The following DDX31 variants were observed in gnomAD, a reference collection of about 807,000 sequenced individuals.
DDX31 encodes the protein ATP-dependent DNA helicase DDX31.
Under a neutral mutation model 91.3 loss-of-function variants are expected in DDX31, and 70 were observed. The observed-to-expected ratio is 0.77, with a 90% CI of 0.63 to 0.94. DDX31 has a LOEUF of 0.94. Among genes scored for constraint, DDX31 ranks in the 40% least tolerant of loss-of-function variants. The pLI, the probability that DDX31 is intolerant of heterozygous loss-of-function variation, is 0.00. For missense variants in DDX31, 902 were observed against 925.0 expected (o/e 0.98, Z 0.32); for synonymous variants, 362 against 350.6 (o/e 1.03, Z -0.36).
At position 132,666,502 on chromosome 9, in the gene DDX31, T is replaced by C. The variant is rs142806526; in HGVS notation, c.75+3358A>G. Among the ~76,000 whole-genome samples the C allele has an allele frequency of 1.1e-3, 170 of 151,958 alleles. 2 individuals are homozygous for C. Among genetic ancestry groups the C allele is most frequent in the African/African-American group, 3.8e-3 (158 of 41,410 alleles). ...TTTTCCTAATTTTCTATAATAAATT[T>C]GTATTAATATCAGAAATTTTTTTTT... On this transcript the variant is annotated intron_variant, in intron 1 of 19. Coordinates refer to ENST00000372159, the MANE Select transcript of DDX31 (RefSeq NM_022779.9).
chr9:132,609,216 G>A (rs1012689110), intron 19 of DDX31, among the ~76,000 whole-genome samples: 5 of 152,132 alleles, frequency 3.3e-5, no homozygotes, highest in African/African-American at 9.7e-5. Flanking sequence ...TCACCACCCG[G>A]CTCCCTGCCG....
Position 132,593,208 on chromosome 9 carries a change from T to G in DDX31, c.*1658A>C, listed in dbSNP as rs1830280186. The G allele has an allele frequency of 2.0e-5, 3 of 152,200 alleles. No individual in the cohort carries two copies. The highest frequency in any genetic ancestry group is 1.3e-4 in the Admixed American group (2 of 15,276). 9.4% of individuals were successfully genotyped at this position (152,200 alleles called of 1,614,324 possible). A position where few individuals can be genotyped will look rare whatever the true frequency, so the allele number is the denominator to read the frequency against. ...TCTTGGAATTATCGTCACTCACACGTTGCATGATTCTAGCACTTCTCTTTC... is the reference window on the plus strand; with the variant it reads ...TCTTGGAATTATCGTCACTCACACGGTGCATGATTCTAGCACTTCTCTTTC... On this transcript the variant is annotated 3_prime_UTR_variant, in exon 20 of 20. Transcript: ENST00000372159.
rs1390156377 is a variant in DDX31, at chr9:132,611,955, C to G, written c.1994+132G>C. On this transcript the variant is annotated intron_variant, in intron 19 of 19. Transcript: ENST00000372159. ...AGATGAGGTGGCTTTCTTCTCATTC[C>G]AAGTGCTTGTTTATTGGGAGAAGGG... 9.3e-6 allele frequency: 12 copies of G among 1,289,878 alleles called. No individual in the cohort carries two copies. The Admixed American group carries it at 1.2e-4, about 13-fold the overall frequency. 79.9% of individuals were successfully genotyped at this position (1,289,878 alleles called of 1,614,324 possible).
intron 17 of DDX31, among the ~76,000 whole-genome samples, chr9:132,620,917 T>G (rs931400627): frequency 6.6e-6 from 1 of 152,182 alleles, no homozygotes; most frequent in African/African-American, 2.4e-5. Context: ...GAAAAACACA[T>G]TTCCAACCAT....
intron 16 of DDX31, among the ~76,000 whole-genome samples, chr9:132,626,941 G>A (rs1832429545): frequency 6.6e-6 from 1 of 152,080 alleles, no homozygotes; most frequent in African/African-American, 2.4e-5. Flanking sequence ...GAGTCAGAGG[G>A]AGAGTGCCCT....
chr9:132,649,876 T>G (rs753139915), intron 9 of DDX31, among the ~76,000 whole-genome samples: 3 of 152,198 alleles, frequency 2.0e-5, no homozygotes, highest in Non-Finnish European at 4.4e-5. Flanking sequence ...TGATCTTGTT[T>G]TTGTAAAAGC....
intron 19 of DDX31, among the ~76,000 whole-genome samples, chr9:132,605,485 T>C (rs975324374): frequency 3.9e-5 from 6 of 152,058 alleles, no homozygotes; most frequent in African/African-American, 1.4e-4. Flanking sequence ...CCTGACACAC[T>C]TGTGGTCCCC....
At chr9:132,600,566 C>T (rs1830670344) in intron 19 of DDX31, among the ~76,000 whole-genome samples, 1 of 152,156 alleles carries the variant, frequency 6.6e-6, no homozygotes, top group Admixed American at 6.5e-5. Context: ...GCCCGGCACA[C>T]TTGCTGCCTG....
At chr9:132,667,913 A>C (rs1053372683) in intron 1 of DDX31, among the ~76,000 whole-genome samples, 1 of 152,290 alleles carries the variant, frequency 6.6e-6, no homozygotes, top group Middle Eastern at 3.4e-3. Flanking sequence ...ATGAATCCTT[A>C]CAATAGTCTT....
chr9:132,632,241 T>TATACACAC (rs1554765289), intron 14 of DDX31, 150 bp from the exon 15 acceptor site: 2 of 94,102 alleles, frequency 2.1e-5, no homozygotes, highest in Non-Finnish European at 3.8e-5. Context: ...CCAGTACGTG[T>TATACACAC]ACACACACAC....
chr9:132,664,367 C>CA (rs1835172778), intron 1 of DDX31, among the ~76,000 whole-genome samples: 1 of 152,132 alleles, frequency 6.6e-6, no homozygotes, highest in African/African-American at 2.4e-5. Context: ...AGCAAGTACT[C>CA]AGAGTTAAAC....
chr9:132,663,182 G>T, intron 1 of DDX31: 3 of 1,289,250 alleles, frequency 2.3e-6, no homozygotes, highest in Non-Finnish European at 3.0e-6. Flanking sequence ...GGGGGAATGC[G>T]CATCTCAGCC....
At chr9:132,650,416 A>G (rs1324276486) in intron 8 of DDX31, 118 bp from the exon 9 acceptor site, 1 of 905,928 alleles carries the variant, frequency 1.1e-6, no homozygotes, top group South Asian at 1.4e-5. Flanking sequence ...TTCTCATTGT[A>G]TAAGGTGTTA....
intron 1 of DDX31, chr9:132,663,183 C>T (rs958627045): frequency 1.6e-6 from 2 of 1,289,380 alleles, no homozygotes; most frequent in African/African-American, 1.5e-5. Context: ...GGGGAATGCG[C>T]ATCTCAGCCC....
At chr9:132,632,832 A>T (rs1389781539) in intron 14 of DDX31, among the ~76,000 whole-genome samples, 1 of 152,156 alleles carries the variant, frequency 6.6e-6, no homozygotes, top group Non-Finnish European at 1.5e-5. Context: ...TTTATTTTTT[A>T]ATTTTATGTA....
At chr9:132,598,867 C>A (rs1332920516) in intron 19 of DDX31, among the ~76,000 whole-genome samples, 1 of 152,182 alleles carries the variant, frequency 6.6e-6, no homozygotes, top group Admixed American at 6.5e-5. Context: ...TGCTTTAATT[C>A]CATCTAAGTT....
At chr9:132,624,966 T>C (rs1264480020) in intron 17 of DDX31, among the ~76,000 whole-genome samples, 2 of 152,108 alleles carry the variant, frequency 1.3e-5, no homozygotes, top group Admixed American at 1.3e-4. Context: ...CAAAAACAAA[T>C]GTAAAATATT....
Position 132,669,517 on chromosome 9 carries a change from C to T in DDX31, c.75+343G>A, listed in dbSNP as rs1835575492. The T allele has an allele frequency of 3.7e-6, 5 of 1,336,258 alleles. No homozygotes were observed. In the South Asian group the frequency reaches 6.2e-5, roughly 17 times the overall value. The allele number at this position is 1,336,258 out of a possible 1,614,324, so 82.8% of individuals were successfully genotyped here. A position where few individuals can be genotyped will look rare whatever the true frequency, so the allele number is the denominator to read the frequency against. On this transcript the variant is annotated intron_variant, in intron 1 of 19. Coordinates refer to ENST00000372159, the MANE Select transcript of DDX31 (RefSeq NM_022779.9). Reference sequence around the variant, plus strand: ...GTCCGCACTCAGTCGAGGAAACTGGCTTAGAGAAGTTAAGCTTTGGCCTGG... The same window carrying T: ...GTCCGCACTCAGTCGAGGAAACTGGTTTAGAGAAGTTAAGCTTTGGCCTGG...
At chr9:132,655,562 G>C (rs1245664209) in intron 6 of DDX31, among the ~76,000 whole-genome samples, 1 of 152,170 alleles carries the variant, frequency 6.6e-6, no homozygotes, top group Admixed American at 6.5e-5. Flanking sequence ...GAAGCAAACT[G>C]TGCCACTAAG....
Sources: allele counts gnomAD v4.1 joint callset (sites outside exome capture counted in the v4.1 genomes callset), GRCh38; gene constraint gnomAD v4.1.1; transcripts MANE v1.5; gene names NCBI Gene and HGNC (gene_info 2026-07-23, HGNC 2026-07-21).